Variants in EDN1 observed in about 807,000 individuals in gnomAD.
EDN1 encodes the protein endothelin 1.
Under a neutral mutation model 21.7 loss-of-function variants are expected in EDN1, and 11 were observed. The observed-to-expected ratio is 0.51, with a 90% CI of 0.32 to 0.84. The LOEUF is 0.84. Among genes scored for constraint, EDN1 ranks in the 40% least tolerant of loss-of-function variants. The pLI is 0.03. For synonymous variants in EDN1, 85 were observed against 90.6 expected, an observed-to-expected ratio of 0.94 and a Z score of 0.35; for missense variants, 244 against 262.3, an observed-to-expected ratio of 0.93 and a Z score of 0.48.
the EDN1 span, among the ~76,000 whole-genome samples, chr6:12,253,437 A>C: frequency 6.6e-6 from 1 of 152,218 alleles, no homozygotes; most frequent in Non-Finnish European, 1.5e-5. Context: ...AACAAGATAC[A>C]AAAAATGCAT....
chr6:12,296,279 G>C lies in EDN1; in HGVS notation c.*212G>C, dbSNP rs1762823858. The C allele has an allele frequency of 7.4e-6, 4 of 539,208 alleles. No individual in the cohort carries two copies. In the South Asian group the frequency reaches 7.8e-5, roughly 10 times the overall value. The allele number at this position is 539,208 out of a possible 1,614,324, so 33.4% of individuals were successfully genotyped here. ...GCTTCCATCAGTGGTAACTGCTTTG[G>C]TCTCTTCTTTCATCTGGGGATGACA... On this transcript the variant is annotated 3_prime_UTR_variant, in exon 5 of 5. Coordinates refer to ENST00000379375, the MANE Select transcript of EDN1 (RefSeq NM_001955.5).
chr6:12,268,124 A>G, the EDN1 span, among the ~76,000 whole-genome samples: 3 of 152,188 alleles, frequency 2.0e-5, no homozygotes, highest in Non-Finnish European at 4.4e-5. Context: ...AGGATGTACA[A>G]AGAGATTAAT....
upstream of EDN1, among the ~76,000 whole-genome samples, chr6:12,290,044 C>G (rs1259246458): frequency 3.3e-5 from 5 of 152,158 alleles, no homozygotes; most frequent in African/African-American, 1.2e-4. Flanking sequence ...GGAGTCCCCT[C>G]TTCTGATTCT....
At chr6:12,271,435 T>G in the EDN1 span, among the ~76,000 whole-genome samples, 4 of 152,194 alleles carry the variant, frequency 2.6e-5, no homozygotes, top group Admixed American at 2.6e-4. Flanking sequence ...AATAATAAAC[T>G]TTGGTTGCAT....
At chr6:12,237,184 T>A in the EDN1 span, among the ~76,000 whole-genome samples, 2 of 152,118 alleles carry the variant, frequency 1.3e-5, no homozygotes, top group Non-Finnish European at 2.9e-5. Context: ...TGCATAGTAT[T>A]CCATGGTGTA....
chr6:12,291,646 G>A (rs1285364593), intron 1 of EDN1, among the ~76,000 whole-genome samples: 1 of 152,198 alleles, frequency 6.6e-6, no homozygotes, highest in African/African-American at 2.4e-5. Flanking sequence ...ACACAAGCCT[G>A]ATGCCCAGGG....
chr6:12,288,377 G>A (rs751959891), upstream of EDN1, among the ~76,000 whole-genome samples: 4 of 152,210 alleles, frequency 2.6e-5, no homozygotes, highest in Non-Finnish European at 5.9e-5. Context: ...CCCAAGGTCG[G>A]CTTTGGAGAG....
the EDN1 span, among the ~76,000 whole-genome samples, chr6:12,237,692 C>T: frequency 5.6e-4 from 86 of 152,252 alleles, 2 homozygotes; most frequent in Non-Finnish European, 8.4e-4. Context: ...TGATGCTATA[C>T]AGACACTGTT....
chr6:12,276,639 A>AG, the EDN1 span, among the ~76,000 whole-genome samples: 1 of 152,208 alleles, frequency 6.6e-6, no homozygotes, highest in South Asian at 2.1e-4. Context: ...GGAGGGGTTT[A>AG]GGGAAGACTT....
At chr6:12,282,921 A>G in the EDN1 span, among the ~76,000 whole-genome samples, 1 of 151,714 alleles carries the variant, frequency 6.6e-6, no homozygotes, top group Admixed American at 6.6e-5. Flanking sequence ...GGAAATAGCA[A>G]TATCAATAAA....
At chr6:12,263,859 T>G in the EDN1 span, among the ~76,000 whole-genome samples, 1 of 152,210 alleles carries the variant, frequency 6.6e-6, no homozygotes, top group Non-Finnish European at 1.5e-5. Flanking sequence ...CTTTGTCAAC[T>G]AACCTTTGCA....
At chr6:12,236,133 T>C in the EDN1 span, among the ~76,000 whole-genome samples, 1 of 152,252 alleles carries the variant, frequency 6.6e-6, no homozygotes, top group Non-Finnish European at 1.5e-5. Context: ...AAGGAATCCC[T>C]ATTTGATTCC....
At chr6:12,281,528 T>TAA in the EDN1 span, among the ~76,000 whole-genome samples, 2 of 152,238 alleles carry the variant, frequency 1.3e-5, no homozygotes, top group African/African-American at 2.4e-5. Flanking sequence ...AGAGAGAGGC[T>TAA]AAGTGCCTTG....
the EDN1 span, among the ~76,000 whole-genome samples, chr6:12,257,823 AG>A: frequency 6.6e-6 from 1 of 152,290 alleles, no homozygotes; most frequent in East Asian, 1.9e-4. Flanking sequence ...ACATGTAAAA[AG>A]GCTGCTCGAA....
the EDN1 span, among the ~76,000 whole-genome samples, chr6:12,242,610 G>T: frequency 2.0e-5 from 3 of 152,168 alleles, no homozygotes; most frequent in Non-Finnish European, 4.4e-5. Flanking sequence ...TTTTTGAGGG[G>T]AGATAGTGAG....
chr6:12,251,832 A>T, the EDN1 span, among the ~76,000 whole-genome samples: 1 of 152,038 alleles, frequency 6.6e-6, no homozygotes, highest in Non-Finnish European at 1.5e-5. Context: ...GGTCTTTCAG[A>T]CCTCTCCTTT....
At chr6:12,284,239 T>C in the EDN1 span, among the ~76,000 whole-genome samples, 87 of 152,222 alleles carry the variant, frequency 5.7e-4, 1 homozygote, top group Non-Finnish European at 2.1e-4. Context: ...TTCAAATGAA[T>C]AAATTTCTCA....
chr6:12,292,142 A>T (rs1221419528), intron 1 of EDN1, among the ~76,000 whole-genome samples, 199 bp from the exon 2 acceptor site: 1 of 151,098 alleles, frequency 6.6e-6, no homozygotes. Context: ...AGCCAAGGGC[A>T]TGAGGGGGAG....
At chr6:12,261,385 T>C in the EDN1 span, among the ~76,000 whole-genome samples, 2 of 152,228 alleles carry the variant, frequency 1.3e-5, no homozygotes, top group South Asian at 2.1e-4. Context: ...AAGGGTGGAA[T>C]TAATTGCTGT....
Sources: allele counts gnomAD v4.1 joint callset (sites outside exome capture counted in the v4.1 genomes callset), GRCh38; gene constraint gnomAD v4.1.1; transcripts MANE v1.5; gene names NCBI Gene and HGNC (gene_info 2026-07-23, HGNC 2026-07-21).